The following PALD1 variants were observed in gnomAD, a reference collection of about 807,000 sequenced individuals.
The protein encoded by PALD1 is phosphatase domain containing paladin 1.
Under a neutral mutation model 96.0 loss-of-function variants are expected in PALD1, and 57 were observed. The observed-to-expected ratio is 0.59, with a 90% CI of 0.48 to 0.74. The LOEUF (loss-of-function observed/expected upper bound fraction) is 0.74, where lower values mean the gene tolerates loss of function less well. Ranked by LOEUF, PALD1 falls within the 30% of genes least tolerant of loss-of-function variation. The pLI is 0.00. For missense variants in PALD1, 1,063 were observed against 1,143.7 expected, an observed-to-expected ratio of 0.93 and a Z score of 1.02; for synonymous variants, 464 against 473.6, an observed-to-expected ratio of 0.98 and a Z score of 0.26.
chr10:70,538,868 C>T (rs1847170099), intron 12 of PALD1, 24 bp from the exon 13 acceptor site: 2 of 1,595,402 alleles, frequency 1.3e-6, no homozygotes, highest in Non-Finnish European at 1.7e-6. Context: ...GCTGTGGGTC[C>T]CAGGCTTGGT....
At chr10:70,497,564 CTTT>C (rs34038407) in intron 1 of PALD1, among the ~76,000 whole-genome samples, 15 of 142,194 alleles carry the variant, frequency 1.1e-4, no homozygotes, top group African/African-American at 1.3e-4. Flanking sequence ...GCATTAAAAA[CTTT>C]TTTTTTTTTT....
At chr10:70,517,847 G>A (rs1023429247) in intron 1 of PALD1, among the ~76,000 whole-genome samples, 1 of 152,064 alleles carries the variant, frequency 6.6e-6, no homozygotes, top group African/African-American at 2.4e-5. Flanking sequence ...TAATAGTTTT[G>A]AGGTTCACCC....
At chr10:70,544,810 A>C (rs1589212498) in intron 17 of PALD1, among the ~76,000 whole-genome samples, 1 of 151,512 alleles carries the variant, frequency 6.6e-6, no homozygotes, top group African/African-American at 2.4e-5. Flanking sequence ...GCTCCCTCCT[A>C]CTCCCCTGGG....
At chr10:70,550,856 G>C (rs7086726) in intron 18 of PALD1, among the ~76,000 whole-genome samples, 86,567 of 152,170 alleles carry the variant, frequency 0.57, 25,702 homozygotes, top group East Asian at 0.98. Flanking sequence ...CATTATGTCT[G>C]TCTGTTTATC....
chr10:70,550,984 C>G (rs1847467471), intron 18 of PALD1, among the ~76,000 whole-genome samples: 1 of 152,114 alleles, frequency 6.6e-6, no homozygotes, highest in South Asian at 2.1e-4. Context: ...TGGTTATATA[C>G]CTAGGAGTGG....
chr10:70,556,942 G>A (rs926555338), intron 18 of PALD1, among the ~76,000 whole-genome samples: 3 of 152,206 alleles, frequency 2.0e-5, no homozygotes, highest in Non-Finnish European at 2.9e-5. Flanking sequence ...GACCCTGCCT[G>A]GCACAAGTAG....
At chr10:70,491,484 A>G (rs1846098391) in intron 1 of PALD1, among the ~76,000 whole-genome samples, 1 of 151,898 alleles carries the variant, frequency 6.6e-6, no homozygotes, top group African/African-American at 2.4e-5. Flanking sequence ...TTTGGCCTTC[A>G]TGGAGAAGGA....
chr10:70,473,891 A>AC (rs10609984), upstream of PALD1, among the ~76,000 whole-genome samples: 1,142 of 148,604 alleles, frequency 7.7e-3, 10 homozygotes, highest in African/African-American at 0.026. Flanking sequence ...CAGGTGATCC[A>AC]CCCCCCCCCC....
chr10:70,561,941 C>G (rs1847745544), intron 18 of PALD1, among the ~76,000 whole-genome samples: 1 of 152,222 alleles, frequency 6.6e-6, no homozygotes. Context: ...ATTTCCATCC[C>G]CCTCCAGGCA....
intron 1 of PALD1, among the ~76,000 whole-genome samples, chr10:70,483,543 A>G (rs1845968993): frequency 6.6e-6 from 1 of 152,150 alleles, no homozygotes; most frequent in Non-Finnish European, 1.5e-5. Flanking sequence ...GGAAACGGCC[A>G]ACAGGCTGGG....
the PALD1 span, among the ~76,000 whole-genome samples, chr10:70,459,199 C>T: frequency 6.6e-6 from 1 of 151,234 alleles, no homozygotes; most frequent in Admixed American, 6.6e-5. Context: ...TGCACAGTTA[C>T]CTCAGTTAGC....
At chr10:70,531,571 G>A in intron 5 of PALD1, 117 bp downstream of exon 5, 1 of 966,914 alleles carries the variant, frequency 1.0e-6, no homozygotes, top group Non-Finnish European at 1.5e-6. Flanking sequence ...GTTGTGCCCT[G>A]CTTGGGTGAG....
chr10:70,501,568 C>G (rs914824248), intron 1 of PALD1, among the ~76,000 whole-genome samples: 1 of 152,118 alleles, frequency 6.6e-6, no homozygotes, highest in Non-Finnish European at 1.5e-5. Flanking sequence ...CGTCCTCACC[C>G]CGTGGGGTCA....
chr10:70,560,558 G>C (rs1272521428), intron 18 of PALD1, among the ~76,000 whole-genome samples: 1 of 152,014 alleles, frequency 6.6e-6, no homozygotes, highest in Non-Finnish European at 1.5e-5. Context: ...AGGATGTGAC[G>C]CGCTCGGCCC....
chr10:70,531,491 A>T (rs189808769), intron 5 of PALD1, 37 bp downstream of exon 5: 1 of 1,579,444 alleles, frequency 6.3e-7, no homozygotes, highest in African/African-American at 1.4e-5. Flanking sequence ...ACCCCAGCCC[A>T]CAGCCCAGCT....
At chr10:70,534,951 T>C in intron 10 of PALD1, 108 bp downstream of exon 10, 1 of 761,834 alleles carries the variant, frequency 1.3e-6, no homozygotes, top group Non-Finnish European at 2.3e-6. Context: ...TTCTGGCTGC[T>C]GCGTCTCCCA....
chr10:70,531,838 C>T (rs1846999393), intron 5 of PALD1, among the ~76,000 whole-genome samples: 1 of 152,008 alleles, frequency 6.6e-6, no homozygotes, highest in Non-Finnish European at 1.5e-5. Flanking sequence ...AAAAAATTAG[C>T]TGGACGTGCT....
At chr10:70,458,795 G>T in the PALD1 span, among the ~76,000 whole-genome samples, 1 of 152,228 alleles carries the variant, frequency 6.6e-6, no homozygotes, top group African/African-American at 2.4e-5. Context: ...CCGTCCCCTC[G>T]CTGGGCTTCT....
chr10:70,556,533 G>A (rs1847616384), intron 18 of PALD1, among the ~76,000 whole-genome samples: 1 of 152,018 alleles, frequency 6.6e-6, no homozygotes. Context: ...GCCCAGGCTG[G>A]CCTCAAACTA....
Sources: allele counts gnomAD v4.1 joint callset (sites outside exome capture counted in the v4.1 genomes callset), GRCh38; gene constraint gnomAD v4.1.1; transcripts MANE v1.5; gene names NCBI Gene and HGNC (gene_info 2026-07-23, HGNC 2026-07-21).